Variants in PID1 observed in about 807,000 individuals in gnomAD.
PID1 encodes the protein PTB-containing, cubilin and LRP1-interacting protein.
A neutral mutation model predicts 19.1 loss-of-function variants in PID1; 10 were observed. The ratio of observed to expected loss-of-function variants is 0.52; its 90% CI spans 0.32 to 0.89. The LOEUF is 0.89. PID1 is among the 40% of genes least tolerant of loss of function. PID1 has a pLI of 0.03. For synonymous variants in PID1, 130 were observed against 116.0 expected (o/e 1.12, Z -0.78); for missense variants, 248 against 285.3 (o/e 0.87, Z 0.94).
chr2:229,100,553 G>A (rs988574939), intron 2 of PID1, among the ~76,000 whole-genome samples: 14 of 152,096 alleles, frequency 9.2e-5, no homozygotes, highest in African/African-American at 1.7e-4. Context: ...TCTTGCTTCC[G>A]TTGCACAGGC....
At chr2:229,208,957 G>T (rs1045452077) in intron 1 of PID1, among the ~76,000 whole-genome samples, 1 of 152,126 alleles carries the variant, frequency 6.6e-6, no homozygotes, top group Non-Finnish European at 1.5e-5. Flanking sequence ...GAGTAAGAGT[G>T]GGGGGTGACA....
intron 2 of PID1, among the ~76,000 whole-genome samples, chr2:229,096,788 C>T (rs537092109): frequency 6.6e-6 from 1 of 152,206 alleles, no homozygotes; most frequent in Admixed American, 6.5e-5. Flanking sequence ...ATTTCTGAAC[C>T]ATGTCTCTTA....
At chr2:229,054,703 AGT>A (rs149214177) in intron 2 of PID1, among the ~76,000 whole-genome samples, 768 of 43,842 alleles carry the variant, frequency 0.018, 8 homozygotes, top group Non-Finnish European at 0.023. Context: ...ACAGTAATGC[AGT>A]GTGTGTGTGT....
At chr2:229,136,741 A>G (rs1689865125) in intron 2 of PID1, among the ~76,000 whole-genome samples, 1 of 152,212 alleles carries the variant, frequency 6.6e-6, no homozygotes, top group Admixed American at 6.5e-5. Context: ...GGAAATTATT[A>G]GTGCTATGTC....
chr2:229,099,375 A>T (rs1225154819), intron 2 of PID1, among the ~76,000 whole-genome samples: 1 of 152,088 alleles, frequency 6.6e-6, no homozygotes, highest in Non-Finnish European at 1.5e-5. Flanking sequence ...GCAAATTTGC[A>T]CCCCCTGGCT....
chr2:229,083,981 A>G (rs909194718), intron 2 of PID1, among the ~76,000 whole-genome samples: 2 of 152,228 alleles, frequency 1.3e-5, no homozygotes, highest in Non-Finnish European at 2.9e-5. Flanking sequence ...AGTGAAGTTC[A>G]GTAACCTACC....
chr2:229,048,936 T>A (rs575334349), intron 2 of PID1, among the ~76,000 whole-genome samples: 5 of 152,096 alleles, frequency 3.3e-5, no homozygotes, highest in Non-Finnish European at 7.3e-5. Flanking sequence ...AACTTGATTG[T>A]ATATTTGCAT....
chr2:229,231,941 G>T, intron 1 of PID1: 3 of 1,550,492 alleles, frequency 1.9e-6, no homozygotes, highest in Non-Finnish European at 1.7e-6. Flanking sequence ...CGGAGGCTAG[G>T]AAGATCATGA....
chr2:229,080,379 T>A lies in PID1; in HGVS notation c.178-54271A>T, dbSNP rs1297367281. 2.0e-5 allele frequency among the ~76,000 whole-genome samples: 3 copies of A among 152,062 alleles called. No homozygotes were observed. In the East Asian group the frequency reaches 5.8e-4, roughly 29 times the overall value. On this transcript the variant is annotated intron_variant, in intron 2 of 2. Coordinates refer to ENST00000392055, the MANE Select transcript of PID1 (RefSeq NM_001100818.2). Reference sequence around the variant, plus strand: ...GTCAACACATCCTTACATACCTCTGTGGTTGTGCACATCCTGCATTCTCTC... The same window carrying A: ...GTCAACACATCCTTACATACCTCTGAGGTTGTGCACATCCTGCATTCTCTC...
At chr2:229,236,819 A>C (rs1040075267) in intron 1 of PID1, among the ~76,000 whole-genome samples, 6 of 152,106 alleles carry the variant, frequency 3.9e-5, no homozygotes, top group African/African-American at 7.2e-5. Context: ...TAGGCAAACT[A>C]TACCCAGTTC....
chr2:229,096,589 A>T (rs1297402549), intron 2 of PID1, among the ~76,000 whole-genome samples: 3 of 152,122 alleles, frequency 2.0e-5, no homozygotes, highest in African/African-American at 7.2e-5. Context: ...TAAGCTTTTG[A>T]ATTATTGGTC....
Position 229,271,218 on chromosome 2 carries a change from C to T in PID1, c.-175G>A. ...GGGCTGCGAGCAGGAGGAGGCGCGG[C>T]GCTCAGCTGCCGGCAACTTGTGGGC... On this transcript the variant is annotated 5_prime_UTR_variant, in exon 1 of 3. Coordinates refer to ENST00000392055, the MANE Select transcript of PID1 (RefSeq NM_001100818.2). 1.7e-6 allele frequency: 1 copy of T among 576,892 alleles called. No individual in the cohort carries two copies. 35.7% of individuals were successfully genotyped at this position (576,892 alleles called of 1,614,324 possible).
chr2:229,039,083 G>A (rs1447520762), intron 2 of PID1, among the ~76,000 whole-genome samples: 3 of 152,160 alleles, frequency 2.0e-5, no homozygotes, highest in Non-Finnish European at 4.4e-5. Flanking sequence ...CTTCCGTGCC[G>A]ATTTGAGCCA....
At chr2:229,056,612 A>ATATATATATAT (rs375335991) in intron 2 of PID1, among the ~76,000 whole-genome samples, 45 of 148,208 alleles carry the variant, frequency 3.0e-4, no homozygotes, top group Non-Finnish European at 5.4e-4. Flanking sequence ...AAATAAAAAT[A>ATATATATATAT]ATATATATAT....
intron 1 of PID1, among the ~76,000 whole-genome samples, chr2:229,265,282 G>C (rs1690566156): frequency 6.6e-6 from 1 of 152,244 alleles, no homozygotes; most frequent in African/African-American, 2.4e-5. Flanking sequence ...GCATGGGAAA[G>C]AAGACCTCAG....
chr2:229,025,941 G>A lies in PID1; in HGVS notation c.345C>T (p.Leu115=), dbSNP rs759911988. The A allele has an allele frequency of 8.7e-6, 14 of 1,614,040 alleles. No individual in the cohort carries two copies. The highest frequency in any genetic ancestry group is 3.3e-4 in the Middle Eastern group (2 of 6,084). Residue 115 remains leucine (L), a synonymous_variant, in exon 3 of 3, where the codon CTC becomes CTT. Transcript: ENST00000392055. ...IRPFQVWLHH[L]DHKGEATVHM... ...GCACTGTGGCCTCCCCTTTGTGGTC[G>A]AGATGATGGAGCCAAACTTGGAATG...
intron 2 of PID1, among the ~76,000 whole-genome samples, chr2:229,118,239 A>G (rs947899682): frequency 6.6e-6 from 1 of 152,228 alleles, no homozygotes; most frequent in African/African-American, 2.4e-5. Context: ...TAGACACAGA[A>G]TAATGACAGG....
chr2:229,088,452 C>T (rs955928304), intron 2 of PID1, among the ~76,000 whole-genome samples: 2 of 151,668 alleles, frequency 1.3e-5, no homozygotes, highest in African/African-American at 2.4e-5. Flanking sequence ...GGAAAGGAAG[C>T]GAGGAAAAGA....
intron 1 of PID1, among the ~76,000 whole-genome samples, chr2:229,231,421 C>G (rs1692202725): frequency 6.6e-6 from 1 of 152,064 alleles, no homozygotes; most frequent in Non-Finnish European, 1.5e-5. Context: ...TAAAGTTATT[C>G]TGGGAATCTA....
Sources: allele counts gnomAD v4.1 joint callset (sites outside exome capture counted in the v4.1 genomes callset), GRCh38; gene constraint gnomAD v4.1.1; transcripts MANE v1.5; gene names NCBI Gene and HGNC (gene_info 2026-07-23, HGNC 2026-07-21).